The following DPYD variants were observed in gnomAD, a reference collection of about 807,000 sequenced individuals.
DPYD encodes dihydropyrimidine dehydrogenase.
In DPYD, 109 loss-of-function variants were observed where a neutral mutation model predicts 116.2. That is an observed-to-expected ratio of 0.94 (90% confidence interval 0.80 to 1.10). DPYD has a LOEUF of 1.10. Ranked by LOEUF, DPYD falls within the 50% of genes least tolerant of loss-of-function variation. The pLI is 0.00. For synonymous variants in DPYD, 440 were observed against 432.0 expected (o/e 1.02, Z -0.23); for missense variants, 1,302 against 1,254.5 (o/e 1.04, Z -0.57).
At chr1:97,634,676 A>G (rs1317124620) in intron 8 of DPYD, among the ~76,000 whole-genome samples, 4 of 152,108 alleles carry the variant, frequency 2.6e-5, no homozygotes, top group African/African-American at 9.7e-5. Flanking sequence ...TCTTATAAGC[A>G]CCAAAGAATA....
intron 13 of DPYD, among the ~76,000 whole-genome samples, chr1:97,493,041 T>C (rs1299411983): frequency 6.6e-6 from 1 of 152,216 alleles, no homozygotes; most frequent in African/African-American, 2.4e-5. Context: ...GTTTGATCTC[T>C]TTCTCCCTCA....
intron 2 of DPYD, among the ~76,000 whole-genome samples, chr1:97,871,589 CAAA>C (rs370937833): frequency 1.8e-5 from 2 of 114,188 alleles, no homozygotes; most frequent in Non-Finnish European, 1.9e-5. Flanking sequence ...GAAATACAGG[CAAA>C]AAAAAAAAAA....
chr1:97,723,675 C>A (rs907769735), intron 4 of DPYD, among the ~76,000 whole-genome samples: 3 of 151,538 alleles, frequency 2.0e-5, no homozygotes, highest in Non-Finnish European at 1.5e-5. Flanking sequence ...CAAATTGGAT[C>A]AGATTTACCA....
At chr1:97,182,652 AC>A (rs1657724198) in intron 20 of DPYD, among the ~76,000 whole-genome samples, 1 of 152,118 alleles carries the variant, frequency 6.6e-6, no homozygotes, top group African/African-American at 2.4e-5. Flanking sequence ...GATAACATGG[AC>A]AAGAAGTACA....
chr1:97,149,388 G>T (rs770880812), intron 20 of DPYD, among the ~76,000 whole-genome samples: 8 of 152,134 alleles, frequency 5.3e-5, no homozygotes, highest in Non-Finnish European at 1.0e-4. Context: ...AAGTAGCTGG[G>T]ATTACAGGCA....
chr1:97,288,556 G>A (rs1439912398), intron 18 of DPYD, among the ~76,000 whole-genome samples: 2 of 151,596 alleles, frequency 1.3e-5, no homozygotes, highest in African/African-American at 4.9e-5. Context: ...TCAACTACAC[G>A]GAAACTGAAC....
intron 13 of DPYD, among the ~76,000 whole-genome samples, chr1:97,485,508 AC>A (rs1336309843): frequency 4.6e-5 from 7 of 151,370 alleles, no homozygotes; most frequent in African/African-American, 1.7e-4. Flanking sequence ...AGCCTGACAT[AC>A]TCTTTTTTAG....
chr1:97,579,578 T>C (rs1245213280), intron 10 of DPYD, among the ~76,000 whole-genome samples: 2 of 152,244 alleles, frequency 1.3e-5, no homozygotes, highest in African/African-American at 2.4e-5. Context: ...TAACCAGCCT[T>C]CTGTGACAAG....
chr1:97,540,977 C>T (rs1346962031), intron 12 of DPYD, among the ~76,000 whole-genome samples: 2 of 152,146 alleles, frequency 1.3e-5, no homozygotes, highest in African/African-American at 2.4e-5. Flanking sequence ...GATATTAATT[C>T]AGTCTCTATT....
At chr1:97,723,028 CAAAA>C in intron 4 of DPYD, among the ~76,000 whole-genome samples, 1 of 151,056 alleles carries the variant, frequency 6.6e-6, no homozygotes, top group Non-Finnish European at 1.5e-5. Context: ...AAAGAAAAGA[CAAAA>C]AAAGAAACAA....
chr1:97,605,670 A>T (rs1040041902), intron 8 of DPYD, among the ~76,000 whole-genome samples: 3 of 152,086 alleles, frequency 2.0e-5, no homozygotes, highest in African/African-American at 7.2e-5. Context: ...ACCTTGCATA[A>T]TCACAGTTAT....
intron 8 of DPYD, among the ~76,000 whole-genome samples, chr1:97,649,972 G>A (rs982460147): frequency 2.0e-5 from 3 of 151,632 alleles, no homozygotes; most frequent in East Asian, 1.9e-4. Context: ...GCCATCCACC[G>A]AGGCCGACAG....
chr1:97,270,915 T>C (rs1166297807), intron 18 of DPYD, among the ~76,000 whole-genome samples: 4 of 152,232 alleles, frequency 2.6e-5, no homozygotes, highest in Admixed American at 2.6e-4. Flanking sequence ...ACTTTGCTAA[T>C]GCAAGATTTA....
chr1:97,408,051 A>C (rs1353396895), intron 14 of DPYD, among the ~76,000 whole-genome samples: 1 of 152,070 alleles, frequency 6.6e-6, no homozygotes, highest in Non-Finnish European at 1.5e-5. Flanking sequence ...GGAATACAGG[A>C]GATCCCTTAG....
At position 97,479,526 on chromosome 1, in the gene DPYD, G is replaced by T. The variant is rs147746682; in HGVS notation, c.1741-29303C>A. On this transcript the variant is annotated intron_variant, in intron 13 of 22. Coordinates refer to ENST00000370192, the MANE Select transcript of DPYD (RefSeq NM_000110.4). ...AATTACAATAACATCAAAGATCATT[G>T]GTGTAACAGATGACCCTAACAGACA... 2.0e-5 allele frequency among the ~76,000 whole-genome samples: 3 copies of T among 152,222 alleles called. No homozygotes were observed. In the East Asian group the frequency reaches 5.8e-4, roughly 29 times the overall value.
chr1:97,593,937 T>G (rs887368586), intron 9 of DPYD, among the ~76,000 whole-genome samples: 12 of 152,296 alleles, frequency 7.9e-5, no homozygotes, highest in Middle Eastern at 3.4e-3. Flanking sequence ...ATAGTTCAAA[T>G]AAATCTTTCT....
At chr1:97,126,940 T>G (rs534757266) in intron 20 of DPYD, among the ~76,000 whole-genome samples, 2 of 152,198 alleles carry the variant, frequency 1.3e-5, no homozygotes, top group Non-Finnish European at 2.9e-5. Context: ...ATTCAACAAA[T>G]ATTTTTGAGT....
chr1:97,706,949 G>T (rs1661998239), intron 5 of DPYD, among the ~76,000 whole-genome samples: 1 of 152,052 alleles, frequency 6.6e-6, no homozygotes, highest in Non-Finnish European at 1.5e-5. Flanking sequence ...GTACCATTTT[G>T]CATTTCCACC....
chr1:97,594,298 GGTT>G (rs200792836), intron 9 of DPYD, among the ~76,000 whole-genome samples: 1,996 of 152,156 alleles, frequency 0.013, 23 homozygotes, highest in Middle Eastern at 0.024. Flanking sequence ...CCTCAGAAAG[GGTT>G]TCAGACATAC....
Sources: allele counts gnomAD v4.1 joint callset (sites outside exome capture counted in the v4.1 genomes callset), GRCh38; gene constraint gnomAD v4.1.1; transcripts MANE v1.5; gene names NCBI Gene and HGNC (gene_info 2026-07-23, HGNC 2026-07-21).